GPR176: variants seen among roughly 807,000 people sequenced by gnomAD.
GPR176 encodes the protein G protein-coupled receptor 176, also known as G-protein coupled receptor 176.
A neutral mutation model predicts 35.4 loss-of-function variants in GPR176; 26 were observed. The observed-to-expected ratio is 0.74, with a 90% CI of 0.54 to 1.02. The LOEUF is 1.02. Among genes scored for constraint, GPR176 ranks in the 50% least tolerant of loss-of-function variants. GPR176 has a pLI of 0.00. For missense variants in GPR176, 597 were observed against 665.3 expected (o/e 0.90, Z 1.13); for synonymous variants, 278 against 271.3 (o/e 1.02, Z -0.24).
At chr15:39,850,643 C>G (rs191890526) in intron 1 of GPR176, among the ~76,000 whole-genome samples, 395 of 152,186 alleles carry the variant, frequency 2.6e-3, no homozygotes, top group African/African-American at 9.1e-3. Flanking sequence ...ATGGAAACAT[C>G]TGTGTCTTGA....
At position 39,892,515 on chromosome 15, in the gene GPR176, C is replaced by G. The variant is rs537414075; in HGVS notation, c.172+27340G>C. 2.2e-3 allele frequency among the ~76,000 whole-genome samples: 334 copies of G among 152,354 alleles called. 1 individual carries two copies. The highest frequency in any genetic ancestry group is 4.6e-3 in the Admixed American group (70 of 15,306). ...TAACCCCTCCTCTACCTCACCCTCT[C>G]CCCTGGCCAGCTGCGAATACGACCT... On this transcript the variant is annotated intron_variant, in intron 1 of 2. Transcript: ENST00000561100.
rs2033834875 is a variant in GPR176 at position 39,919,983 on chromosome 15, G to A, written c.44C>T (p.Pro15Leu). The change falls in exon 1 of 3, where the codon CCG becomes CTG. Residue 15 changes from proline to leucine, a missense_variant. Physicochemically the swap from Pro to Leu is moderately conservative, Grantham distance 98 (BLOSUM62 -3). Coordinates refer to ENST00000561100, the MANE Select transcript of GPR176 (RefSeq NM_007223.3). ...GSWISPNASE[P>L]HNASGAEAAG... ...AGCCTCGGCGCCGGACGCGTTGTGCGGCTCGCTGGCATTTGGAGAGATCCA... is the reference window on the plus strand; with the variant it reads ...AGCCTCGGCGCCGGACGCGTTGTGCAGCTCGCTGGCATTTGGAGAGATCCA... The A allele has an allele frequency of 2.7e-6, 4 of 1,461,282 alleles. No homozygotes were observed. The highest frequency in any genetic ancestry group is 2.7e-5 in the Admixed American group (1 of 37,390). The allele number at this position is 1,461,282 out of a possible 1,614,324, so 90.5% of individuals were successfully genotyped here.
intron 1 of GPR176, among the ~76,000 whole-genome samples, chr15:39,855,811 T>C (rs1380423909): frequency 6.6e-6 from 1 of 152,162 alleles, no homozygotes; most frequent in Non-Finnish European, 1.5e-5. Flanking sequence ...ATAAAGACAG[T>C]TAAGTTTGGG....
chr15:39,911,329 AC>A (rs2033571774), intron 1 of GPR176, among the ~76,000 whole-genome samples: 1 of 152,228 alleles, frequency 6.6e-6, no homozygotes, highest in South Asian at 2.1e-4. Context: ...AACCATTGTT[AC>A]AAACTTATTT....
chr15:39,914,988 G>C (rs1158432554), intron 1 of GPR176, among the ~76,000 whole-genome samples: 2 of 152,326 alleles, frequency 1.3e-5, no homozygotes, highest in East Asian at 3.9e-4. Context: ...CTGCTGAACA[G>C]ATTTAACAAG....
intron 1 of GPR176, among the ~76,000 whole-genome samples, chr15:39,843,141 A>G (rs1425473259): frequency 6.6e-6 from 1 of 152,000 alleles, no homozygotes; most frequent in Non-Finnish European, 1.5e-5. Flanking sequence ...ACATGGTATG[A>G]TAGCCTGCTG....
intron 1 of GPR176, among the ~76,000 whole-genome samples, chr15:39,841,028 T>A (rs1248720902): frequency 6.6e-6 from 1 of 152,156 alleles, no homozygotes; most frequent in Non-Finnish European, 1.5e-5. Flanking sequence ...AAATTACCTG[T>A]TGTTTCCCCA....
intron 1 of GPR176, among the ~76,000 whole-genome samples, chr15:39,860,411 A>G (rs2031514239): frequency 6.6e-6 from 1 of 152,224 alleles, no homozygotes; most frequent in Admixed American, 6.5e-5. Flanking sequence ...GCAAAGGAGA[A>G]CAGAAGCAAG....
At chr15:39,889,068 A>G (rs900330919) in intron 1 of GPR176, among the ~76,000 whole-genome samples, 2 of 152,214 alleles carry the variant, frequency 1.3e-5, no homozygotes, top group Non-Finnish European at 2.9e-5. Context: ...CAAACTTTCT[A>G]ACTAAGCTTT....
intron 1 of GPR176, among the ~76,000 whole-genome samples, chr15:39,834,615 T>G (rs904166067): frequency 6.6e-6 from 1 of 152,068 alleles, no homozygotes; most frequent in African/African-American, 2.4e-5. Flanking sequence ...AAGAAGGAGA[T>G]CCTATCATTT....
intron 1 of GPR176, among the ~76,000 whole-genome samples, chr15:39,916,838 T>C (rs576619906): frequency 1.3e-5 from 2 of 152,376 alleles, no homozygotes; most frequent in South Asian, 4.1e-4. Context: ...GGAGGCTTTA[T>C]GAAATGTGCT....
chr15:39,863,346 T>A (rs942803052), intron 1 of GPR176, among the ~76,000 whole-genome samples: 2 of 151,446 alleles, frequency 1.3e-5, no homozygotes, highest in Admixed American at 6.6e-5. Context: ...TTTAAAAGTT[T>A]AAAAAATAAA....
chr15:39,840,722 C>A (rs1451835043), intron 1 of GPR176, among the ~76,000 whole-genome samples: 1 of 152,002 alleles, frequency 6.6e-6, no homozygotes, highest in Non-Finnish European at 1.5e-5. Context: ...CAGATCTAAC[C>A]ATTTCAGATT....
At chr15:39,841,486 G>A (rs917636420) in intron 1 of GPR176, among the ~76,000 whole-genome samples, 1 of 152,130 alleles carries the variant, frequency 6.6e-6, no homozygotes, top group African/African-American at 2.4e-5. Context: ...TTTGTCCGCA[G>A]AGACAGACAC....
At chr15:39,897,277 TAG>T (rs1259461430) in intron 1 of GPR176, among the ~76,000 whole-genome samples, 4 of 152,214 alleles carry the variant, frequency 2.6e-5, no homozygotes, top group Admixed American at 6.5e-5. Flanking sequence ...GACAGGAATC[TAG>T]GACACAACAT....
intron 1 of GPR176, among the ~76,000 whole-genome samples, chr15:39,878,166 T>G (rs922428854): frequency 7.4e-6 from 1 of 135,850 alleles, no homozygotes. Context: ...CTTGGCAAAT[T>G]TCAAGTGTAC....
At chr15:39,913,219 T>C (rs1301167292) in intron 1 of GPR176, among the ~76,000 whole-genome samples, 1 of 152,176 alleles carries the variant, frequency 6.6e-6, no homozygotes, top group Non-Finnish European at 1.5e-5. Flanking sequence ...ACATATTGTG[T>C]GACAGATCTA....
intron 1 of GPR176, among the ~76,000 whole-genome samples, chr15:39,919,583 G>A (rs1489729745): frequency 6.6e-6 from 1 of 152,172 alleles, no homozygotes; most frequent in African/African-American, 2.4e-5. Context: ...TTCCGCCGGG[G>A]CCATCTGAGG....
intron 1 of GPR176, among the ~76,000 whole-genome samples, chr15:39,830,666 A>G (rs1901014068): frequency 6.6e-6 from 1 of 152,232 alleles, no homozygotes; most frequent in African/African-American, 2.4e-5. Context: ...CTAAATGTTA[A>G]TAGCTGCAGC....
Sources: allele counts gnomAD v4.1 joint callset (sites outside exome capture counted in the v4.1 genomes callset), GRCh38; gene constraint gnomAD v4.1.1; transcripts MANE v1.5; gene names NCBI Gene and HGNC (gene_info 2026-07-23, HGNC 2026-07-21).